Variants in PARP4 observed in about 807,000 individuals in gnomAD.
The protein encoded by PARP4 is poly(ADP-ribose) polymerase family member 4, also known as protein mono-ADP-ribosyltransferase PARP4.
In PARP4, 120 loss-of-function variants were observed where a neutral mutation model predicts 187.7. The observed-to-expected ratio is 0.64, with a 90% CI of 0.55 to 0.74. PARP4 has a LOEUF of 0.74. Among genes scored for constraint, PARP4 ranks in the 30% least tolerant of loss-of-function variants. PARP4 has a pLI of 0.00. For missense variants in PARP4, 1,836 were observed against 2,070.5 expected (o/e 0.89, Z 2.20); for synonymous variants, 654 against 740.9 (o/e 0.88, Z 1.90).
intron 27 of PARP4, among the ~76,000 whole-genome samples, chr13:24,445,185 CCT>C (rs1334345961): frequency 2.0e-5 from 3 of 152,200 alleles, no homozygotes; most frequent in East Asian, 3.9e-4. Context: ...TGTCTCTTCC[CCT>C]GTTAATCTAT....
intron 17 of PARP4, among the ~76,000 whole-genome samples, chr13:24,464,361 C>A (rs927648692): frequency 6.6e-6 from 1 of 152,094 alleles, no homozygotes; most frequent in Non-Finnish European, 1.5e-5. Flanking sequence ...GCAAAAAGAA[C>A]AAAGCTGGAG....
intron 33 of PARP4, among the ~76,000 whole-genome samples, chr13:24,424,899 G>T (rs944032047): frequency 6.6e-6 from 1 of 150,940 alleles, no homozygotes; most frequent in Non-Finnish European, 1.5e-5. Flanking sequence ...TAGCCAAGAT[G>T]GTCTCGATCT....
At position 24,435,082 on chromosome 13, in the gene PARP4, A is replaced by G. The variant is rs768946625; in HGVS notation, c.4059T>C (p.Ala1353=). 5.6e-5 allele frequency: 91 copies of G among 1,614,070 alleles called. No individual in the cohort carries two copies. The highest frequency in any genetic ancestry group is 7.5e-5 in the Non-Finnish European group (88 of 1,180,038). ...ATGCATCAAACTGTCTGGGAGGAGC[A>G]GCTGAACCGAAACTAGCTACCTGAC... ...SYRQVASFGS[A]APPRQFDASQ... Residue 1353 remains alanine (A), a synonymous_variant, in exon 31 of 34, where the codon GCT becomes GCC. Coordinates refer to ENST00000381989, the MANE Select transcript of PARP4 (RefSeq NM_006437.4).
chr13:24,503,455 G>A (rs962135933), intron 2 of PARP4, among the ~76,000 whole-genome samples, 190 bp downstream of exon 2: 2 of 152,182 alleles, frequency 1.3e-5, no homozygotes, highest in Non-Finnish European at 2.9e-5. Flanking sequence ...ACAGGGAGGG[G>A]ACAGGGCTGG....
chr13:24,429,943 G>A (rs1193275472), intron 32 of PARP4, among the ~76,000 whole-genome samples: 1 of 152,194 alleles, frequency 6.6e-6, no homozygotes, highest in East Asian at 1.9e-4. Flanking sequence ...TGTGTCTCAT[G>A]AGCTGAGAAA....
chr13:24,463,846 G>C (rs1186827385), intron 17 of PARP4, among the ~76,000 whole-genome samples: 1 of 152,134 alleles, frequency 6.6e-6, no homozygotes. Context: ...AGGAAGAGAG[G>C]AAGTCAAACT....
chr13:24,470,435 T>G (rs1424315418), intron 15 of PARP4, among the ~76,000 whole-genome samples: 1 of 152,168 alleles, frequency 6.6e-6, no homozygotes, highest in Non-Finnish European at 1.5e-5. Context: ...CCTTTCCTCC[T>G]GGGGACCTCT....
intron 6 of PARP4, 90 bp from the exon 7 acceptor site, chr13:24,494,812 A>G: frequency 1.3e-6 from 1 of 787,788 alleles, no homozygotes; most frequent in South Asian, 2.0e-5. Context: ...CCTTGACATG[A>G]AGAAGCTTAG....
At chr13:24,432,144 T>C (rs1041297001) in intron 31 of PARP4, among the ~76,000 whole-genome samples, 2 of 152,230 alleles carry the variant, frequency 1.3e-5, no homozygotes, top group African/African-American at 4.8e-5. Flanking sequence ...ATGCATAGAA[T>C]GTAAATAATC....
rs1236172123 is a variant in PARP4, at chr13:24,469,929, C to T, written c.2011G>A (p.Glu671Lys). Residue 671 changes from glutamate (E) to lysine (K), a missense_variant, in exon 16 of 34, where the codon GAA (glutamate) becomes AAA (lysine). By Grantham distance (56) the Glu-to-Lys change is moderately conservative. Around this residue, in one of 8 missense-constraint regions of PARP4, gnomAD observed 1,147 missense variants for 1,214.2 expected, o/e 0.94. Coordinates refer to ENST00000381989, the MANE Select transcript of PARP4 (RefSeq NM_006437.4). ...LDDKAAVCGF[E>K]AFINGKHIVG... ...ATGTGCTTCCCATTGATGAAGGCTT[C>T]GAAGCCACACACAGCGGCCTTGTCA... The T allele has an allele frequency of 8.7e-6, 14 of 1,613,668 alleles. No homozygotes were observed. Among genetic ancestry groups the T allele is most frequent in the South Asian group, 5.5e-5 (5 of 91,050 alleles).
chr13:24,459,137 G>C lies in PARP4; in HGVS notation c.2346-15C>G. On this transcript the variant is annotated splice_polypyrimidine_tract_variant and intron_variant, in intron 19 of 33. Transcript: ENST00000381989. The stretch of plus-strand genomic sequence containing the variant: ...TCAAAGAGAAGCTAGCAAAAATGAA[G>C]AGAAAGTTGTCTTAGTCTACGATCT... 6.3e-7 allele frequency: 1 copy of C among 1,594,814 alleles called. No individual in the cohort carries two copies. The highest frequency in any genetic ancestry group is 8.6e-7 in the Non-Finnish European group (1 of 1,167,316).
chr13:24,490,824 A>T lies in PARP4; in HGVS notation c.1058T>A (p.Ile353Lys). The T allele has an allele frequency of 6.2e-7, 1 of 1,612,866 alleles. No individual in the cohort carries two copies. Among genetic ancestry groups the T allele is most frequent in the South Asian group, 1.1e-5 (1 of 90,788 alleles). ...TTCACAGACATTAACCATGTCTCTTATTAGCTGTAGGTGGAAATAATACAC... is the reference window on the plus strand; with the variant it reads ...TTCACAGACATTAACCATGTCTCTTTTTAGCTGTAGGTGGAAATAATACAC... Reference protein sequence around the residue: ...LAKKADLCQLIRDMVNVCETN... With the variant: ...LAKKADLCQLKRDMVNVCETN... The change falls in exon 10 of 34, where the codon ATA becomes AAA. Residue 353 changes from isoleucine to lysine, a missense_variant. Ile to Lys is a moderately radical substitution (Grantham distance 102). This residue lies in a region of PARP4 where 1,147 missense variants were observed against 1,214.2 expected (regional missense o/e 0.94). Coordinates refer to ENST00000381989, the MANE Select transcript of PARP4 (RefSeq NM_006437.4).
chr13:24,481,011 C>T (rs541283828), intron 12 of PARP4, among the ~76,000 whole-genome samples: 12 of 152,328 alleles, frequency 7.9e-5, no homozygotes, highest in Admixed American at 2.0e-4. Context: ...AAGCTTCAGA[C>T]GACAGGCTGA....
chr13:24,458,046 G>A (rs1412597993), intron 20 of PARP4, among the ~76,000 whole-genome samples: 1 of 151,882 alleles, frequency 6.6e-6, no homozygotes, highest in Non-Finnish European at 1.5e-5. Flanking sequence ...AGAGCAAAAA[G>A]GATCCCTTGA....
chr13:24,484,514 A>G, intron 12 of PARP4, 139 bp downstream of exon 12: 1 of 628,948 alleles, frequency 1.6e-6, no homozygotes, highest in South Asian at 1.9e-5. Flanking sequence ...TGAAGATGAA[A>G]TAGTATTCCA....
intron 12 of PARP4, among the ~76,000 whole-genome samples, chr13:24,484,398 C>T (rs1873442860): frequency 6.6e-6 from 1 of 152,108 alleles, no homozygotes; most frequent in Admixed American, 6.6e-5. Context: ...GTCTTAAACT[C>T]CTGGGCTCAA....
At chr13:24,428,242 A>G (rs1416560734) in intron 32 of PARP4, among the ~76,000 whole-genome samples, 4 of 152,038 alleles carry the variant, frequency 2.6e-5, no homozygotes, top group Admixed American at 1.3e-4. Flanking sequence ...CTGTGACTCA[A>G]TTTTCTCCAG....
intron 33 of PARP4, among the ~76,000 whole-genome samples, chr13:24,424,839 T>C (rs963164458): frequency 8.5e-5 from 4 of 47,038 alleles, no homozygotes; most frequent in Admixed American, 5.4e-4. Flanking sequence ...ACCTGGCGAA[T>C]TTTTTTTTTT....
intron 17 of PARP4, among the ~76,000 whole-genome samples, chr13:24,462,493 C>T (rs1046927039): frequency 6.6e-6 from 1 of 152,178 alleles, no homozygotes; most frequent in Non-Finnish European, 1.5e-5. Flanking sequence ...TTCTTTTACA[C>T]ACAATGTCCA....
Sources: gnomAD v4.1 joint callset for allele counts (sites outside exome capture counted in the v4.1 genomes callset) on GRCh38, gnomAD v4.1.1 for gene constraint, gnomAD v4.1.1 regional missense constraint, MANE v1.5 for transcripts, NCBI Gene and HGNC (gene_info 2026-07-23, HGNC 2026-07-21) for gene names.